The following ZNF407 variants were observed in gnomAD, a reference collection of about 807,000 sequenced individuals.
ZNF407 encodes zinc finger protein 407.
In ZNF407, 17 loss-of-function variants were observed where a neutral mutation model predicts 131.2. That is an observed-to-expected ratio of 0.13 (90% CI 0.09 to 0.19). The LOEUF is 0.19. Ranked by LOEUF, ZNF407 falls within the 10% of genes least tolerant of loss-of-function variation. The probability of loss-of-function intolerance (pLI) is 1.00; values close to 1 mark genes in which losing one functional copy is unlikely to be tolerated. For missense variants in ZNF407, 2,681 were observed against 2,830.6 expected, an observed-to-expected ratio of 0.95 and a Z score of 1.20; for synonymous variants, 1,156 against 1,062.0, an observed-to-expected ratio of 1.09 and a Z score of -1.72.
intron 7 of ZNF407, among the ~76,000 whole-genome samples, chr18:74,892,411 G>A (rs942921192): frequency 6.6e-6 from 1 of 152,190 alleles, no homozygotes; most frequent in African/African-American, 2.4e-5. Context: ...AATATTAGGT[G>A]AGAAGCACTT....
chr18:74,968,725 T>C (rs1237882579), intron 8 of ZNF407, among the ~76,000 whole-genome samples: 1 of 152,222 alleles, frequency 6.6e-6, no homozygotes, highest in Non-Finnish European at 1.5e-5. Flanking sequence ...TCTTTGTCTT[T>C]AAATTTCAAA....
intron 4 of ZNF407, among the ~76,000 whole-genome samples, chr18:74,800,462 A>T (rs908222161): frequency 6.6e-6 from 1 of 151,996 alleles, no homozygotes; most frequent in Non-Finnish European, 1.5e-5. Context: ...CCAGTTGTTG[A>T]GATCTTCAGT....
chr18:74,657,921 T>A (rs1044702609), intron 3 of ZNF407, among the ~76,000 whole-genome samples: 3 of 151,566 alleles, frequency 2.0e-5, no homozygotes, highest in Non-Finnish European at 4.4e-5. Flanking sequence ...TTCTTCTTCT[T>A]CTTCTTCTTC....
intron 1 of ZNF407, among the ~76,000 whole-genome samples, chr18:74,627,500 C>T (rs1406444527): frequency 6.6e-6 from 1 of 152,128 alleles, no homozygotes; most frequent in African/African-American, 2.4e-5. Context: ...CTCCCCTGCT[C>T]TTCTTTTTTG....
chr18:74,720,955 A>G (rs773526873), intron 3 of ZNF407, among the ~76,000 whole-genome samples: 21 of 143,404 alleles, frequency 1.5e-4, no homozygotes, highest in Non-Finnish European at 2.7e-4. Context: ...TCTTTTTCTC[A>G]GGATTGCTTT....
Position 75,063,575 on chromosome 18 carries a change from G to C in ZNF407, c.5854G>C (p.Gly1952Arg). Residue 1952 changes from glycine (G) to arginine (R), a missense_variant, in exon 9 of 9, where the codon GGC (glycine) becomes CGC (arginine). Coordinates refer to ENST00000299687, the MANE Select transcript of ZNF407 (RefSeq NM_017757.3). This position sits in a 1 kb window ranked among gnomAD's most constrained non-coding sequence, Gnocchi z 6.6. ...VVVGGSMEGH[G>R]MDESLSPGGA... is the part of the protein sequence containing the mutation. The stretch of plus-strand genomic sequence containing the variant: ...CGTGGGGGGCTCCATGGAAGGCCAC[G>C]GCATGGATGAGTCCCTCAGTCCAGG... The C allele has an allele frequency of 6.4e-7, 1 of 1,568,062 alleles. No homozygotes were observed. The highest frequency in any genetic ancestry group is 1.2e-5 in the South Asian group (1 of 85,718).
chr18:74,919,219 C>T (rs1401205278), intron 7 of ZNF407, among the ~76,000 whole-genome samples: 1 of 152,164 alleles, frequency 6.6e-6, no homozygotes, highest in Admixed American at 6.5e-5. Context: ...GAATTTCTAG[C>T]GTCATTGACT....
At chr18:74,622,188 C>G (rs1983540793) in intron 1 of ZNF407, among the ~76,000 whole-genome samples, 1 of 151,956 alleles carries the variant, frequency 6.6e-6, no homozygotes, top group Non-Finnish European at 1.5e-5. Context: ...CTTTAGTTAC[C>G]CTCAGATTGT....
At chr18:74,613,892 A>T (rs1983170911) in intron 1 of ZNF407, among the ~76,000 whole-genome samples, 1 of 152,222 alleles carries the variant, frequency 6.6e-6, no homozygotes, top group African/African-American at 2.4e-5. Context: ...AGTTGGAGTA[A>T]TGCCAGTCTA....
At chr18:74,725,438 T>C (rs1248747543) in intron 3 of ZNF407, among the ~76,000 whole-genome samples, 1 of 152,234 alleles carries the variant, frequency 6.6e-6, no homozygotes, top group Non-Finnish European at 1.5e-5. Flanking sequence ...ACTATTTTTA[T>C]GGGAGACGAG....
At chr18:74,956,904 A>G (rs999644940) in intron 8 of ZNF407, among the ~76,000 whole-genome samples, 1 of 152,208 alleles carries the variant, frequency 6.6e-6, no homozygotes, top group Non-Finnish European at 1.5e-5. Context: ...TGAGATAATT[A>G]CATAGATCAT....
chr18:75,046,107 A>C (rs1973432490), intron 8 of ZNF407, among the ~76,000 whole-genome samples: 1 of 152,216 alleles, frequency 6.6e-6, no homozygotes, highest in East Asian at 1.9e-4. Flanking sequence ...AATTCATTTG[A>C]ACTATAATGC....
chr18:74,982,868 A>G (rs958192023), intron 8 of ZNF407, among the ~76,000 whole-genome samples: 1 of 152,212 alleles, frequency 6.6e-6, no homozygotes. Flanking sequence ...AAATTGATGA[A>G]TTGGAACTTC....
At chr18:74,814,943 CTTTA>C (rs1970247441) in intron 4 of ZNF407, among the ~76,000 whole-genome samples, 1 of 150,634 alleles carries the variant, frequency 6.6e-6, no homozygotes, top group African/African-American at 2.5e-5. Context: ...ATTATATAAT[CTTTA>C]TTAATCAGAC....
intron 3 of ZNF407, among the ~76,000 whole-genome samples, chr18:74,692,120 TGG>T (rs909956232): frequency 1.6e-3 from 235 of 151,582 alleles, no homozygotes; most frequent in Middle Eastern, 3.4e-3. Context: ...TGTGCGTGTG[TGG>T]GTGTGTGTGT....
chr18:74,841,329 A>C (rs1039450137), intron 4 of ZNF407, among the ~76,000 whole-genome samples: 1 of 152,040 alleles, frequency 6.6e-6, no homozygotes, highest in Non-Finnish European at 1.5e-5. Flanking sequence ...CCCCAGCCTC[A>C]GGGGGGCTGC....
intron 3 of ZNF407, among the ~76,000 whole-genome samples, chr18:74,773,051 A>G (rs914937890): frequency 1.3e-5 from 2 of 152,210 alleles, no homozygotes; most frequent in Admixed American, 1.3e-4. Context: ...AATATTGTCA[A>G]TGCAGACAAG....
At chr18:74,876,267 A>G (rs1285875929) in intron 4 of ZNF407, among the ~76,000 whole-genome samples, 7 of 152,204 alleles carry the variant, frequency 4.6e-5, no homozygotes, top group Admixed American at 4.6e-4. Flanking sequence ...TCAACTCGTT[A>G]TAATATTTTA....
intron 4 of ZNF407, among the ~76,000 whole-genome samples, chr18:74,873,579 C>A (rs1182591825): frequency 6.6e-6 from 1 of 152,076 alleles, no homozygotes; most frequent in African/African-American, 2.4e-5. Context: ...TTTAGAAATC[C>A]TGCCAGGTGA....
Sources: allele counts gnomAD v4.1 joint callset (sites outside exome capture counted in the v4.1 genomes callset), GRCh38; gene constraint gnomAD v4.1.1; non-coding constraint Gnocchi (gnomAD v3.1); transcripts MANE v1.5; gene names NCBI Gene and HGNC (gene_info 2026-07-23, HGNC 2026-07-21).